Variants in ESS2 observed in about 807,000 individuals in gnomAD.
ESS2 encodes ess-2 spliceosome associated protein.
A neutral mutation model predicts 52.0 loss-of-function variants in ESS2; 31 were observed. That is an observed-to-expected ratio of 0.60 (90% CI 0.45 to 0.81). The LOEUF (loss-of-function observed/expected upper bound fraction) is 0.81. ESS2 is among the 30% of genes least tolerant of loss of function. ESS2 has a pLI of 0.00. For synonymous variants in ESS2, 285 were observed against 259.2 expected, an observed-to-expected ratio of 1.10 and a Z score of -0.95; for missense variants, 602 against 637.2, an observed-to-expected ratio of 0.94 and a Z score of 0.59.
Position 19,138,212 on chromosome 22 carries a change from C to T in ESS2, c.925+3G>A, listed in dbSNP as rs903365233. 4 of 1,614,004 alleles carry T rather than the reference C, an allele frequency of 2.5e-6. No homozygotes were observed. The highest frequency in any genetic ancestry group is 3.4e-6 in the Non-Finnish European group (4 of 1,179,956). ...CCCACTTGCCAGTGGGCACTTTTCT[C>T]ACCAGGGGCAGGGGAAGGAGTGGCA... is the stretch of plus-strand genomic sequence containing the variant. On this transcript the variant is annotated splice_donor_region_variant and intron_variant, in intron 7 of 9. Transcript: ENST00000252137.
At chr22:19,141,390 A>G (rs777106572) in intron 3 of ESS2, among the ~76,000 whole-genome samples, 2 of 152,206 alleles carry the variant, frequency 1.3e-5, no homozygotes, top group African/African-American at 2.4e-5. Context: ...TGATGAAAAG[A>G]GGGCCTGACA....
chr22:19,134,350 G>A lies in ESS2; in HGVS notation c.1277C>T (p.Thr426Ile), dbSNP rs200592269. 15 of 1,612,304 alleles carry A rather than the reference G, an allele frequency of 9.3e-6. No individual in the cohort carries two copies. In the East Asian group the frequency reaches 2.9e-4, roughly 31 times the overall value. Residue 426 changes from threonine (T) to isoleucine (I), a missense_variant, in exon 10 of 10, where the codon ACC becomes ATC. Transcript: ENST00000252137. Reference sequence around the variant, plus strand: ...CCCACTGGCCGGGGTCTTGAGGTGGGTGGAGCGTGCTGGGGATGGTGTGTA... The same window carrying A: ...CCCACTGGCCGGGGTCTTGAGGTGGATGGAGCGTGCTGGGGATGGTGTGTA... The part of the protein sequence containing the change: ...ASYTPSPARS[T>I]HLKTPASGLQ...
At position 19,131,108 on chromosome 22, in the gene ESS2, G is replaced by C. The variant is rs1048637769; in HGVS notation, c.*3088C>G. On this transcript the variant is annotated 3_prime_UTR_variant, in exon 10 of 10. Transcript: ENST00000252137. This position sits in a 1 kb window ranked among gnomAD's most constrained non-coding sequence, Gnocchi z 5.7. ...AGGGCCACCAGAGTCCTGTCCTGGG[G>C]ACAGGCTTCCTTCCAGCGGGCGGGG... is the stretch of plus-strand genomic sequence containing the variant. 2.0e-5 allele frequency: 8 copies of C among 392,872 alleles called. No homozygotes were observed. The Admixed American group carries it at 2.6e-4, about 13-fold the overall frequency. The allele number at this position is 392,872 out of a possible 1,614,324, so 24.3% of individuals were successfully genotyped here. A position where few individuals can be genotyped will look rare whatever the true frequency, so the allele number is the denominator to read the frequency against.
intron 8 of ESS2, 91 bp from the exon 9 acceptor site, chr22:19,135,266 CCT>C (rs1382227249): frequency 2.4e-5 from 25 of 1,038,958 alleles, no homozygotes; most frequent in Admixed American, 4.4e-5. Flanking sequence ...TGGGTGCCAG[CCT>C]CTCTTTGTTG....
Position 19,137,720 on chromosome 22 carries a change from C to T in ESS2, c.926-288G>A, listed in dbSNP as rs569521950. The T allele has an allele frequency of 5.5e-5, 54 of 985,128 alleles. No individual in the cohort carries two copies. The African/African-American group carries it at 8.9e-4, about 16-fold the overall frequency. The allele number at this position is 985,128 out of a possible 1,614,324, so 61.0% of individuals were successfully genotyped here. ...CGCAGGAGGAGACACTCAGGCCTTC[C>T]AGGGCTCCCAAACCTCCTAGAACCC... is the stretch of plus-strand genomic sequence containing the variant. On this transcript the variant is annotated intron_variant, in intron 7 of 9. Coordinates refer to ENST00000252137, the MANE Select transcript of ESS2 (RefSeq NM_022719.3).
At position 19,131,373 on chromosome 22, in the gene ESS2, G is replaced by A; in HGVS notation, c.*2823C>T. 5 of 1,551,216 alleles carry A rather than the reference G, an allele frequency of 3.2e-6. No homozygotes were observed. Among genetic ancestry groups the A allele is most frequent in the Admixed American group, 1.8e-5 (1 of 54,638 alleles). On this transcript the variant is annotated 3_prime_UTR_variant, in exon 10 of 10. Transcript: ENST00000252137. This position sits in a 1 kb window ranked among gnomAD's most constrained non-coding sequence, Gnocchi z 5.7. Reference sequence around the variant, plus strand: ...CCCACATGACGGGGGGATGTAGACGGCAGCGGCGCCAGTCGCTCCTGGCAC... The same window carrying A: ...CCCACATGACGGGGGGATGTAGACGACAGCGGCGCCAGTCGCTCCTGGCAC...
At chr22:19,142,466 C>G (rs1421706264) in intron 3 of ESS2, 72 bp downstream of exon 3, 2 of 1,412,258 alleles carry the variant, frequency 1.4e-6, no homozygotes, top group South Asian at 1.3e-5. Flanking sequence ...TGGACCACCC[C>G]CTCAGGGCCT....
At position 19,131,426 on chromosome 22, in the gene ESS2, G is replaced by A; in HGVS notation, c.*2770C>T. 6.2e-7 allele frequency: 1 copy of A among 1,611,920 alleles called. No individual in the cohort carries two copies. Among genetic ancestry groups the A allele is most frequent in the Non-Finnish European group, 8.5e-7 (1 of 1,178,654 alleles). On this transcript the variant is annotated 3_prime_UTR_variant, in exon 10 of 10. Coordinates refer to ENST00000252137, the MANE Select transcript of ESS2 (RefSeq NM_022719.3). The surrounding 1 kb of genome is among the most constrained non-coding windows in gnomAD (Gnocchi z 5.7). ...TGGACGATGCCACAGTCCTAAGGAA[G>A]AAGGGTTACATCGTAGGCATCAATC...
chr22:19,143,096 G>A (rs75084512), intron 1 of ESS2, among the ~76,000 whole-genome samples: 6 of 151,332 alleles, frequency 4.0e-5, no homozygotes, highest in Non-Finnish European at 7.4e-5. Context: ...TTCCAGCTAC[G>A]TGGGAGGCTG....
chr22:19,137,315 C>A lies in ESS2; in HGVS notation c.1035+8G>T. 1 of 1,607,250 alleles carries A rather than the reference C, an allele frequency of 6.2e-7. No homozygotes were observed. The highest frequency in any genetic ancestry group is 1.1e-5 in the South Asian group (1 of 90,356). ...GTCGCACACAGTTCCCCCATCACCA[C>A]AACCCACCTTAAAAGCTGGGCCGGG... On this transcript the variant is annotated splice_region_variant and intron_variant, in intron 8 of 9. Transcript: ENST00000252137.
Position 19,131,220 on chromosome 22 carries a change from G to A in ESS2, c.*2976C>T. ...GCCCAGTCCCCGCCCCCACTCCTTG[G>A]CTTTATGAGTTCATTGGCTGAAGTC... On this transcript the variant is annotated 3_prime_UTR_variant, in exon 10 of 10. Transcript: ENST00000252137. The surrounding 1 kb of genome is among the most constrained non-coding windows in gnomAD (Gnocchi z 5.7). 3.3e-6 allele frequency: 2 copies of A among 604,040 alleles called. No homozygotes were observed. The highest frequency in any genetic ancestry group is 2.6e-4 in the Middle Eastern group (1 of 3,904). 37.4% of individuals were successfully genotyped at this position (604,040 alleles called of 1,614,324 possible).
chr22:19,140,164 C>T (rs575472621), intron 3 of ESS2, 140 bp from the exon 4 acceptor site: 2 of 1,091,048 alleles, frequency 1.8e-6, no homozygotes, highest in Admixed American at 4.7e-5. Context: ...CCATGAAAGC[C>T]CACACTGCCA....
intron 3 of ESS2, among the ~76,000 whole-genome samples, chr22:19,142,035 T>G (rs1194050904): frequency 6.6e-6 from 1 of 152,028 alleles, no homozygotes; most frequent in Non-Finnish European, 1.5e-5. Flanking sequence ...AAATGTCTTG[T>G]GATGAAAAAC....
intron 6 of ESS2, 130 bp from the exon 7 acceptor site, chr22:19,138,447 G>A (rs1188792316): frequency 1.1e-6 from 1 of 910,874 alleles, no homozygotes; most frequent in African/African-American, 1.6e-5. Flanking sequence ...CTCTGGGGTT[G>A]GCAGCCTTCT....
chr22:19,138,207 T>C lies in ESS2; in HGVS notation c.925+8A>G, dbSNP rs1332647139. 2 of 1,613,834 alleles carry C rather than the reference T, an allele frequency of 1.2e-6. No homozygotes were observed. Among genetic ancestry groups the C allele is most frequent in the African/African-American group, 1.3e-5 (1 of 75,026 alleles). The stretch of plus-strand genomic sequence containing the variant: ...GTAGACCCACTTGCCAGTGGGCACT[T>C]TTCTCACCAGGGGCAGGGGAAGGAG... On this transcript the variant is annotated splice_region_variant and intron_variant, in intron 7 of 9. Transcript: ENST00000252137.
chr22:19,134,497 G>A (rs767211285), intron 9 of ESS2, 22 bp from the exon 10 acceptor site: 3 of 1,512,150 alleles, frequency 2.0e-6, no homozygotes, highest in South Asian at 2.6e-5. Flanking sequence ...GAATGGGTGA[G>A]AGAGGCAGGG....
intron 6 of ESS2, chr22:19,138,629 T>C: frequency 1.8e-6 from 1 of 543,680 alleles, no homozygotes; most frequent in Non-Finnish European, 3.3e-6. Context: ...GCCAGGCCCC[T>C]GCAGGGGGCA....
Position 19,132,383 on chromosome 22 carries a change from G to A in ESS2, c.*1813C>T. ...AGCACCGGCTGCTGGTGGTGCCCGA[G>A]AACGAGAACAGGATGGAGGACAGGC... is the stretch of plus-strand genomic sequence containing the variant. On this transcript the variant is annotated 3_prime_UTR_variant, in exon 10 of 10. Transcript: ENST00000252137. The surrounding 1 kb of genome is among the most constrained non-coding windows in gnomAD (Gnocchi z 4.2). The A allele has an allele frequency of 6.2e-7, 1 of 1,613,180 alleles. No individual in the cohort carries two copies. Among genetic ancestry groups the A allele is most frequent in the South Asian group, 1.1e-5 (1 of 91,076 alleles).
At chr22:19,137,882 G>C (rs1480699752) in intron 7 of ESS2, 38 of 985,214 alleles carry the variant, frequency 3.9e-5, no homozygotes, top group Non-Finnish European at 4.3e-5. Flanking sequence ...TGAGGTGCTG[G>C]GCCTCCCTCC....
Sources: gnomAD v4.1 joint callset for allele counts (sites outside exome capture counted in the v4.1 genomes callset) on GRCh38, gnomAD v4.1.1 for gene constraint, Gnocchi (gnomAD v3.1) non-coding constraint, MANE v1.5 for transcripts, NCBI Gene and HGNC (gene_info 2026-07-23, HGNC 2026-07-21) for gene names.